The following UST variants were observed in gnomAD, a reference collection of about 807,000 sequenced individuals.
UST encodes the protein uronyl 2-sulfotransferase.
Under a neutral mutation model 45.6 loss-of-function variants are expected in UST, and 21 were observed. The observed-to-expected ratio is 0.46, with a 90% CI of 0.33 to 0.66. The LOEUF (loss-of-function observed/expected upper bound fraction) is 0.66, where lower values mean the gene tolerates loss of function less well. UST is among the 30% of genes least tolerant of loss of function. The pLI is 0.02. For synonymous variants in UST, 215 were observed against 200.6 expected, an observed-to-expected ratio of 1.07 and a Z score of -0.61; for missense variants, 463 against 512.4, an observed-to-expected ratio of 0.90 and a Z score of 0.93.
At chr6:148,839,938 T>G (rs1777858369) in intron 1 of UST, among the ~76,000 whole-genome samples, 1 of 152,200 alleles carries the variant, frequency 6.6e-6, no homozygotes, top group Non-Finnish European at 1.5e-5. Flanking sequence ...AATTCCAAAT[T>G]TAGAGCTTTT....
At chr6:149,070,619 TTTAA>T (rs1425989039) in intron 7 of UST, among the ~76,000 whole-genome samples, 1 of 152,192 alleles carries the variant, frequency 6.6e-6, no homozygotes, top group East Asian at 1.9e-4. Flanking sequence ...TATTTTTTAT[TTTAA>T]TTAATACCTA....
At chr6:148,910,888 C>A (rs1013692620) in intron 2 of UST, among the ~76,000 whole-genome samples, 6 of 152,116 alleles carry the variant, frequency 3.9e-5, no homozygotes, top group Non-Finnish European at 5.9e-5. Flanking sequence ...TCAGGGGTCT[C>A]CCCTTCTCAT....
At chr6:148,874,461 A>G (rs1167274592) in intron 1 of UST, among the ~76,000 whole-genome samples, 2 of 152,210 alleles carry the variant, frequency 1.3e-5, no homozygotes, top group Non-Finnish European at 2.9e-5. Flanking sequence ...TCTAAATCAT[A>G]ATTGATAGCA....
intron 5 of UST, among the ~76,000 whole-genome samples, chr6:148,972,344 G>A (rs1254631520): frequency 6.6e-6 from 1 of 152,184 alleles, no homozygotes; most frequent in East Asian, 1.9e-4. Flanking sequence ...TAAGGCTCTG[G>A]GGACAGCAGG....
chr6:149,054,204 A>G (rs1776530839), intron 7 of UST, among the ~76,000 whole-genome samples: 1 of 152,208 alleles, frequency 6.6e-6, no homozygotes, highest in African/African-American at 2.4e-5. Flanking sequence ...CTACCCAAAG[A>G]AGAGCCAAAG....
intron 7 of UST, chr6:149,027,629 G>A (rs1180685605): frequency 6.6e-6 from 1 of 152,086 alleles, no homozygotes; most frequent in East Asian, 1.9e-4. Flanking sequence ...GTGTCCTCTA[G>A]GACAGGATGA....
chr6:148,916,936 T>C (rs1309189054), intron 2 of UST, among the ~76,000 whole-genome samples: 7 of 152,226 alleles, frequency 4.6e-5, no homozygotes, highest in Non-Finnish European at 1.0e-4. Context: ...TCACGTTGCA[T>C]AGTTAGAGCC....
intron 1 of UST, among the ~76,000 whole-genome samples, chr6:148,794,688 A>T (rs1218188983): frequency 3.3e-5 from 5 of 152,226 alleles, no homozygotes; most frequent in Non-Finnish European, 7.3e-5. Flanking sequence ...GCCAGATAGA[A>T]GTGGCTGCTT....
At chr6:148,873,291 G>A (rs922427788) in intron 1 of UST, among the ~76,000 whole-genome samples, 7 of 152,136 alleles carry the variant, frequency 4.6e-5, no homozygotes, top group Non-Finnish European at 1.5e-5. Context: ...AAGACAGGAG[G>A]TGGCCAGAGG....
At chr6:148,928,513 AGTTCCCTATAGGAAATGG>A (rs1779861968) in intron 2 of UST, among the ~76,000 whole-genome samples, 1 of 152,256 alleles carries the variant, frequency 6.6e-6, no homozygotes. Flanking sequence ...ATGTAATAAC[AGTTCCCTATAGGAAATGG>A]GTTCCCCCAT....
At chr6:148,916,043 A>T (rs1444393482) in intron 2 of UST, among the ~76,000 whole-genome samples, 2 of 147,444 alleles carry the variant, frequency 1.4e-5, no homozygotes, top group African/African-American at 4.9e-5. Flanking sequence ...GCTTTCCTGC[A>T]GTTCTATTTT....
intron 1 of UST, among the ~76,000 whole-genome samples, chr6:148,820,488 C>G (rs1356423814): frequency 1.3e-5 from 2 of 152,114 alleles, no homozygotes; most frequent in African/African-American, 4.8e-5. Flanking sequence ...CACAGAACAA[C>G]CATCAAAATC....
At chr6:148,794,642 G>C in intron 1 of UST, among the ~76,000 whole-genome samples, 1 of 152,160 alleles carries the variant, frequency 6.6e-6, no homozygotes, top group Non-Finnish European at 1.5e-5. Flanking sequence ...TATGTTGCTT[G>C]CTCGATCCCA....
chr6:148,956,120 A>G lies in UST; in HGVS notation c.527+2169A>G, dbSNP rs558767991. 3.9e-5 allele frequency: 6 copies of G among 151,996 alleles called. No homozygotes were observed. In the East Asian group the frequency reaches 5.8e-4, roughly 15 times the overall value. The allele number at this position is 151,996 out of a possible 1,614,324, so 9.4% of individuals were successfully genotyped here. The stretch of plus-strand genomic sequence containing the variant: ...GTCATGATTCTCGGCAAGCTGTTCA[A>G]CCTCTTGGGGGTCTCTGTTTTCTAT... On this transcript the variant is annotated intron_variant, in intron 4 of 7. Transcript: ENST00000367463.
intron 5 of UST, among the ~76,000 whole-genome samples, chr6:149,010,195 T>C (rs957307875): frequency 6.6e-6 from 1 of 152,228 alleles, no homozygotes; most frequent in African/African-American, 2.4e-5. Context: ...GGAATGTAAC[T>C]ATGATAAATA....
At chr6:148,901,104 A>G (rs967532472) in intron 2 of UST, among the ~76,000 whole-genome samples, 2 of 152,200 alleles carry the variant, frequency 1.3e-5, no homozygotes, top group Non-Finnish European at 1.5e-5. Flanking sequence ...GTAGGGTAAC[A>G]TATTCACAGA....
rs555895626 is a variant in UST at position 148,879,883 on chromosome 6, T to C, written c.248-7103T>C. 7.9e-5 allele frequency among the ~76,000 whole-genome samples: 12 copies of C among 152,264 alleles called. No individual in the cohort carries two copies. In the South Asian group the frequency reaches 2.5e-3, roughly 32 times the overall value. ...TCATGTTTCATGGGGCATTCTCTAC[T>C]ACAAAGGTGAAGTTTAACCTGTTTG... On this transcript the variant is annotated intron_variant, in intron 1 of 7. Coordinates refer to ENST00000367463, the MANE Select transcript of UST (RefSeq NM_005715.3).
chr6:148,797,038 C>G (rs1215266760), intron 1 of UST, among the ~76,000 whole-genome samples: 2 of 152,106 alleles, frequency 1.3e-5, no homozygotes, highest in African/African-American at 2.4e-5. Context: ...CTCAGGTGAT[C>G]CACCGGCCAC....
At chr6:149,049,728 A>C (rs2115035705) in intron 7 of UST, among the ~76,000 whole-genome samples, 1 of 152,334 alleles carries the variant, frequency 6.6e-6, no homozygotes, top group South Asian at 2.1e-4. Context: ...TGGGGCAAGT[A>C]AAGAACATCA....
Sources: gnomAD v4.1 joint callset for allele counts (sites outside exome capture counted in the v4.1 genomes callset) on GRCh38, gnomAD v4.1.1 for gene constraint, MANE v1.5 for transcripts, NCBI Gene and HGNC (gene_info 2026-07-23, HGNC 2026-07-21) for gene names.